Variants in SAMD12 observed in about 807,000 individuals in gnomAD.
SAMD12 encodes sterile alpha motif domain-containing protein 12.
A neutral mutation model predicts 15.0 loss-of-function variants in SAMD12; 9 were observed. That is an observed-to-expected ratio of 0.60 (90% CI 0.36 to 1.05). The LOEUF (loss-of-function observed/expected upper bound fraction) is 1.05, where lower values mean the gene tolerates loss of function less well. Among genes scored for constraint, SAMD12 ranks in the 50% least tolerant of loss-of-function variants. The probability of loss-of-function intolerance (pLI) is 0.01; values close to 1 mark genes in which losing one functional copy is unlikely to be tolerated. For missense variants in SAMD12, 230 were observed against 234.2 expected, an observed-to-expected ratio of 0.98 and a Z score of 0.12; for synonymous variants, 86 against 90.1, an observed-to-expected ratio of 0.96 and a Z score of 0.25.
chr8:118,475,586 G>A (rs538330737), intron 2 of SAMD12, among the ~76,000 whole-genome samples: 1 of 152,290 alleles, frequency 6.6e-6, no homozygotes, highest in South Asian at 2.1e-4. Context: ...CTAATAAATT[G>A]CAGAGCCAGG....
At chr8:118,534,272 C>T (rs1010372484) in intron 2 of SAMD12, among the ~76,000 whole-genome samples, 18 of 152,098 alleles carry the variant, frequency 1.2e-4, no homozygotes, top group African/African-American at 4.3e-4. Context: ...ATATTGGCCC[C>T]CACTCTCTTC....
intron 3 of SAMD12, among the ~76,000 whole-genome samples, chr8:118,439,351 A>G (rs1822665098): frequency 6.6e-6 from 1 of 152,220 alleles, no homozygotes; most frequent in African/African-American, 2.4e-5. Flanking sequence ...CAGGAGTGTC[A>G]GGAAAACCGA....
intron 4 of SAMD12, among the ~76,000 whole-genome samples, chr8:118,219,073 G>A (rs990077294): frequency 3.9e-5 from 6 of 152,128 alleles, no homozygotes; most frequent in Admixed American, 6.6e-5. Flanking sequence ...CTGGGTCTCC[G>A]CTGCCCCCAA....
At chr8:118,587,269 C>T (rs1827476507) in intron 1 of SAMD12, among the ~76,000 whole-genome samples, 1 of 152,192 alleles carries the variant, frequency 6.6e-6, no homozygotes. Context: ...ACATAACACT[C>T]TCCAATATGT....
At chr8:118,591,791 C>T (rs1442922116) in intron 1 of SAMD12, among the ~76,000 whole-genome samples, 3 of 151,814 alleles carry the variant, frequency 2.0e-5, no homozygotes, top group Non-Finnish European at 4.4e-5. Context: ...ACATAGTTTC[C>T]ACTGACAAGC....
At chr8:118,547,679 TC>T (rs1352716859) in intron 2 of SAMD12, among the ~76,000 whole-genome samples, 1 of 152,220 alleles carries the variant, frequency 6.6e-6, no homozygotes, top group Non-Finnish European at 1.5e-5. Context: ...TGAATCACAC[TC>T]ACAGATTATT....
intron 4 of SAMD12, among the ~76,000 whole-genome samples, chr8:118,263,818 CA>C (rs907200233): frequency 2.0e-5 from 3 of 152,064 alleles, no homozygotes; most frequent in African/African-American, 7.2e-5. Flanking sequence ...GCCCTGTGGT[CA>C]GGCAGTGGAG....
intron 4 of SAMD12, among the ~76,000 whole-genome samples, chr8:118,298,104 T>C (rs1205077881): frequency 2.0e-5 from 3 of 152,130 alleles, no homozygotes; most frequent in Admixed American, 6.5e-5. Flanking sequence ...ATGTCAAACA[T>C]ACATATGTAG....
In SAMD12 at chr8:118,355,805, C is replaced by A. The variant is rs16890890; in HGVS notation, c.433+23755G>T. Among the ~76,000 whole-genome samples, 958 of 152,316 alleles carry A rather than the reference C, an allele frequency of 6.3e-3. 11 individuals are homozygous for A. Among genetic ancestry groups the A allele is most frequent in the African/African-American group, 0.022 (907 of 41,578 alleles). On this transcript the variant is annotated intron_variant, in intron 4 of 4. Coordinates refer to the SAMD12 transcript ENST00000409003. ...AAGCTTATATATACCACCCACTAAA[C>A]TTGTTCACAAAAGCTGAAAACTGTC... is the stretch of plus-strand genomic sequence containing the variant.
intron 4 of SAMD12, among the ~76,000 whole-genome samples, chr8:118,328,075 A>T (rs1816644741): frequency 6.6e-6 from 1 of 152,196 alleles, no homozygotes. Flanking sequence ...TTGGCTCAGG[A>T]ATAACATGGT....
intron 1 of SAMD12, among the ~76,000 whole-genome samples, chr8:118,586,073 G>A (rs1304327849): frequency 2.0e-5 from 3 of 152,104 alleles, no homozygotes; most frequent in Non-Finnish European, 4.4e-5. Context: ...GAGACACTGT[G>A]AAAACACTCC....
intron 2 of SAMD12, among the ~76,000 whole-genome samples, chr8:118,488,843 C>A (rs1378758094): frequency 3.3e-5 from 5 of 152,186 alleles, no homozygotes; most frequent in Non-Finnish European, 5.9e-5. Context: ...TGTTTGGATA[C>A]ATTTTCATTT....
intron 4 of SAMD12, among the ~76,000 whole-genome samples, chr8:118,318,314 A>G (rs199844362): frequency 0.064 from 581 of 9,052 alleles, 9 homozygotes; most frequent in East Asian, 0.22. Context: ...ATATGTGTAT[A>G]TATATATATA....
intron 2 of SAMD12, among the ~76,000 whole-genome samples, chr8:118,565,175 C>T (rs1469078139): frequency 6.6e-6 from 1 of 152,142 alleles, no homozygotes. Flanking sequence ...AAGCCAAGAC[C>T]ACACCAGCTC....
In SAMD12 at chr8:118,428,189, G is replaced by A. The variant is rs373401353; in HGVS notation, c.322+11643C>T. ...GTTCTTTTTTAGATATATAATAAAA[G>A]TGCTTTCTTCTTGTCTCTGGCTTGG... On this transcript the variant is annotated intron_variant, in intron 3 of 3. Transcript: ENST00000314727. 1.5e-3 allele frequency among the ~76,000 whole-genome samples: 235 copies of A among 152,222 alleles called. 1 individual carries two copies. The Middle Eastern group carries it at 0.027, about 18-fold the overall frequency.
chr8:118,304,974 C>T (rs573398749), intron 4 of SAMD12, among the ~76,000 whole-genome samples: 45 of 150,204 alleles, frequency 3.0e-4, no homozygotes, highest in African/African-American at 1.1e-3. Context: ...CATTGTAAAA[C>T]CCTGTCTCTA....
chr8:118,267,308 CT>C (rs1310057608), intron 4 of SAMD12, among the ~76,000 whole-genome samples: 2 of 152,100 alleles, frequency 1.3e-5, no homozygotes, highest in Admixed American at 1.3e-4. Flanking sequence ...TTTCTCAAGT[CT>C]TTATGATGCC....
intron 2 of SAMD12, among the ~76,000 whole-genome samples, chr8:118,559,880 T>C (rs1826656743): frequency 6.6e-6 from 1 of 152,168 alleles, no homozygotes; most frequent in African/African-American, 2.4e-5. Flanking sequence ...ACAGGGGTGA[T>C]GCCAATAAAC....
the SAMD12 span, among the ~76,000 whole-genome samples, chr8:118,180,748 G>A: frequency 6.6e-6 from 1 of 150,438 alleles, no homozygotes; most frequent in Non-Finnish European, 1.5e-5. Flanking sequence ...ATTTGGTAGA[G>A]ATAGAGTTTC....
Sources: gnomAD v4.1 joint callset for allele counts (sites outside exome capture counted in the v4.1 genomes callset) on GRCh38, gnomAD v4.1.1 for gene constraint, MANE v1.5 for transcripts, NCBI Gene and HGNC (gene_info 2026-07-23, HGNC 2026-07-21) for gene names.